The following VAMP7 variants were observed in gnomAD, a reference collection of about 807,000 sequenced individuals.
The protein encoded by VAMP7 is vesicle-associated membrane protein 7.
In VAMP7, 14 loss-of-function variants were observed where a neutral mutation model predicts 29.6. The ratio of observed to expected loss-of-function variants is 0.47; its 90% confidence interval spans 0.31 to 0.74. The LOEUF (loss-of-function observed/expected upper bound fraction) is 0.74. VAMP7 is among the 30% of genes least tolerant of loss of function. The pLI, the probability that VAMP7 is intolerant of heterozygous loss-of-function variation, is 0.05. For synonymous variants in VAMP7, 95 were observed against 88.1 expected (o/e 1.08, Z -0.44); for missense variants, 223 against 262.4 (o/e 0.85, Z 1.04).
intron 5 of VAMP7, among the ~76,000 whole-genome samples, chrX:155,913,708 C>G (rs1191603523): frequency 6.6e-6 from 1 of 152,052 alleles, no homozygotes; most frequent in Non-Finnish European, 1.5e-5. Context: ...TTTCTGAGGC[C>G]TCTGTTCTGT....
At chrX:155,902,163 ACTCT>A (rs1302107961) in intron 5 of VAMP7, among the ~76,000 whole-genome samples, 2 of 151,076 alleles carry the variant, frequency 1.3e-5, no homozygotes, top group Non-Finnish European at 3.0e-5. Flanking sequence ...TCATGATTTG[ACTCT>A]CTGTCCGTTA....
intron 6 of VAMP7, among the ~76,000 whole-genome samples, chrX:155,927,481 C>CAAAAAAA (rs531998416): frequency 1.8e-5 from 2 of 111,604 alleles, no homozygotes; most frequent in African/African-American, 6.5e-5. Context: ...TTCGATTTGC[C>CAAAAAAA]AAAAAAAAAA....
intron 5 of VAMP7, among the ~76,000 whole-genome samples, chrX:155,919,402 T>C (rs1442804180): frequency 1.3e-5 from 2 of 152,206 alleles, no homozygotes; most frequent in Admixed American, 6.5e-5. Context: ...TTAATAGTAT[T>C]TCTATGGTCA....
chrX:155,916,152 G>A (rs1470469213), intron 5 of VAMP7, among the ~76,000 whole-genome samples: 2 of 152,086 alleles, frequency 1.3e-5, no homozygotes, highest in East Asian at 3.9e-4. Context: ...TTTAAAGTCT[G>A]TTTTATCAGA....
At chrX:155,930,054 G>A (rs890886479) in intron 6 of VAMP7, among the ~76,000 whole-genome samples, 8 of 152,188 alleles carry the variant, frequency 5.3e-5, no homozygotes, top group South Asian at 2.1e-4. Context: ...TAGAGCTTTT[G>A]TTGTCCTCTT....
intron 6 of VAMP7, among the ~76,000 whole-genome samples, chrX:155,926,050 C>G (rs1259872041): frequency 6.6e-6 from 1 of 152,152 alleles, no homozygotes; most frequent in Non-Finnish European, 1.5e-5. Flanking sequence ...GATGTGCTAT[C>G]TTCCAGGTTT....
chrX:155,930,834 A>G (rs759017400), intron 6 of VAMP7, among the ~76,000 whole-genome samples: 3 of 151,934 alleles, frequency 2.0e-5, no homozygotes, highest in African/African-American at 4.8e-5. Flanking sequence ...TACATTAGGT[A>G]TATCTCCAAA....
At chrX:155,901,009 G>A (rs1278335785) in intron 5 of VAMP7, among the ~76,000 whole-genome samples, 1 of 151,928 alleles carries the variant, frequency 6.6e-6, no homozygotes, top group African/African-American at 2.4e-5. Context: ...AATCAATATT[G>A]TGCTTCCTTC....
chrX:155,884,451 G>A (rs1391878394), intron 1 of VAMP7, among the ~76,000 whole-genome samples: 7 of 152,172 alleles, frequency 4.6e-5, no homozygotes, highest in Non-Finnish European at 8.8e-5. Context: ...ATTCCATGCA[G>A]GTATCTTTCA....
chrX:155,895,530 G>A, intron 2 of VAMP7, 93 bp from the exon 3 acceptor site: 1 of 822,562 alleles, frequency 1.2e-6, no homozygotes, highest in Admixed American at 1.9e-5. Flanking sequence ...GGTGACATTG[G>A]CAGTACTGAA....
In VAMP7 at chrX:155,943,693, GC is replaced by G. The variant is rs1328758045; in HGVS notation, c.*1743del. On this transcript the variant is annotated 3_prime_UTR_variant, in exon 8 of 8. Transcript: ENST00000286448. ...CCTTGGTCTATTTATGTATAAGAATGCTTTTTAAAGCACATGTCTCATTTTA... is the reference window on the plus strand; with the variant it reads ...CCTTGGTCTATTTATGTATAAGAATGTTTTTAAAGCACATGTCTCATTTTA... 6 of 152,094 alleles carry G rather than the reference GC, an allele frequency of 3.9e-5. No individual in the cohort carries two copies. 9.4% of individuals were successfully genotyped at this position (152,094 alleles called of 1,614,324 possible).
At chrX:155,889,033 G>A (rs1248185569) in intron 1 of VAMP7, among the ~76,000 whole-genome samples, 1 of 152,120 alleles carries the variant, frequency 6.6e-6, no homozygotes, top group African/African-American at 2.4e-5. Flanking sequence ...TTATCTTTGT[G>A]AATCTAGAGT....
intron 5 of VAMP7, among the ~76,000 whole-genome samples, chrX:155,907,768 C>T (rs1287036602): frequency 8.5e-5 from 13 of 152,160 alleles, no homozygotes; most frequent in African/African-American, 2.2e-4. Flanking sequence ...CATCATGGCC[C>T]GTTCTCAATG....
At chrX:155,941,106 T>C (rs775808741) in intron 7 of VAMP7, among the ~76,000 whole-genome samples, 1 of 152,062 alleles carries the variant, frequency 6.6e-6, no homozygotes, top group South Asian at 2.1e-4. Flanking sequence ...AGGCCAAGAG[T>C]TTGAAGCCAG....
intron 7 of VAMP7, among the ~76,000 whole-genome samples, chrX:155,941,014 T>C (rs2066735802): frequency 6.6e-6 from 1 of 152,094 alleles, no homozygotes; most frequent in Non-Finnish European, 1.5e-5. Flanking sequence ...AAAGTTGTAA[T>C]TTAAAGCAAA....
chrX:155,920,349 G>A (rs1423445628), intron 6 of VAMP7, among the ~76,000 whole-genome samples: 1 of 152,148 alleles, frequency 6.6e-6, no homozygotes, highest in African/African-American at 2.4e-5. Flanking sequence ...AAGCCTTAAA[G>A]GAGACAATGT....
intron 5 of VAMP7, among the ~76,000 whole-genome samples, chrX:155,916,243 G>T (rs2066311365): frequency 6.6e-6 from 1 of 152,098 alleles, no homozygotes; most frequent in Non-Finnish European, 1.5e-5. Context: ...TTGAGCCTGT[G>T]TGTGTCTTTG....
chrX:155,934,627 A>G (rs1261754716), intron 6 of VAMP7, among the ~76,000 whole-genome samples: 3 of 152,154 alleles, frequency 2.0e-5, no homozygotes, highest in African/African-American at 7.2e-5. Flanking sequence ...TGAATACAGC[A>G]CACTGATGGG....
chrX:155,903,825 A>G (rs1006680143), intron 5 of VAMP7, among the ~76,000 whole-genome samples: 1 of 152,134 alleles, frequency 6.6e-6, no homozygotes, highest in Non-Finnish European at 1.5e-5. Flanking sequence ...AGAACTAGAA[A>G]TACCATTTGA....
Sources: allele counts gnomAD v4.1 joint callset (sites outside exome capture counted in the v4.1 genomes callset), GRCh38; gene constraint gnomAD v4.1.1; transcripts MANE v1.5; gene names NCBI Gene and HGNC (gene_info 2026-07-23, HGNC 2026-07-21).